The following TMEM178B variants were observed in gnomAD, a reference collection of about 807,000 sequenced individuals.
The protein encoded by TMEM178B is transmembrane protein 178B.
TMEM178B carries 5 observed loss-of-function variants against 31.0 expected under a neutral mutation model. The observed-to-expected ratio is 0.16, with a 90% CI of 0.08 to 0.34. The LOEUF is 0.34. Among genes scored for constraint, TMEM178B ranks in the 10% least tolerant of loss-of-function variants. The pLI, the probability that TMEM178B is intolerant of heterozygous loss-of-function variation, is 1.00. For missense variants in TMEM178B, 275 were observed against 400.3 expected (o/e 0.69, Z 2.67); for synonymous variants, 164 against 164.0 (o/e 1.00, Z 0.00).
chr7:141,256,942 G>T (rs1314495246), intron 2 of TMEM178B, among the ~76,000 whole-genome samples: 1 of 152,174 alleles, frequency 6.6e-6, no homozygotes, highest in Non-Finnish European at 1.5e-5. Context: ...TACAATATTT[G>T]TATCTGGAGT....
chr7:141,181,997 T>C (rs1202228893), intron 1 of TMEM178B, among the ~76,000 whole-genome samples: 1 of 152,232 alleles, frequency 6.6e-6, no homozygotes, highest in African/African-American at 2.4e-5. Context: ...GGGGTCATTA[T>C]CATTCAGGCT....
At chr7:141,085,319 A>T (rs1339745040) in intron 1 of TMEM178B, among the ~76,000 whole-genome samples, 1 of 151,982 alleles carries the variant, frequency 6.6e-6, no homozygotes, top group Non-Finnish European at 1.5e-5. Flanking sequence ...ATTTGTATGC[A>T]CAGAGATGGC....
intron 2 of TMEM178B, among the ~76,000 whole-genome samples, chr7:141,336,749 A>G (rs1372619378): frequency 1.3e-5 from 2 of 151,358 alleles, no homozygotes; most frequent in South Asian, 2.1e-4. Flanking sequence ...GCATCCCACC[A>G]TTACCACCAC....
chr7:141,307,288 T>C (rs1798830557), intron 2 of TMEM178B, among the ~76,000 whole-genome samples: 1 of 152,174 alleles, frequency 6.6e-6, no homozygotes, highest in African/African-American at 2.4e-5. Flanking sequence ...AAATGGAAAA[T>C]GGATTAATTT....
At chr7:141,218,063 TTCCCTAC>T (rs1797190057) in intron 2 of TMEM178B, among the ~76,000 whole-genome samples, 1 of 151,374 alleles carries the variant, frequency 6.6e-6, no homozygotes, top group Non-Finnish European at 1.5e-5. Flanking sequence ...CCTCCGAGAC[TTCCCTAC>T]TCCCTACCCC....
At chr7:141,243,239 CTG>C (rs1487187801) in intron 2 of TMEM178B, among the ~76,000 whole-genome samples, 2 of 152,024 alleles carry the variant, frequency 1.3e-5, no homozygotes, top group Non-Finnish European at 2.9e-5. Flanking sequence ...GCCTGGGACT[CTG>C]TGTGTGGTTT....
intron 2 of TMEM178B, among the ~76,000 whole-genome samples, chr7:141,402,746 T>C (rs2116622100): frequency 6.6e-6 from 1 of 152,372 alleles, no homozygotes; most frequent in African/African-American, 2.4e-5. Context: ...CAACCTGTGA[T>C]GACAGGCACT....
At chr7:141,197,789 A>T (rs1182882455) in intron 1 of TMEM178B, among the ~76,000 whole-genome samples, 1 of 151,852 alleles carries the variant, frequency 6.6e-6, no homozygotes, top group Non-Finnish European at 1.5e-5. Context: ...GCACCACCAC[A>T]CCTGGCTAAT....
At chr7:141,272,957 A>G (rs1423967879) in intron 2 of TMEM178B, among the ~76,000 whole-genome samples, 2 of 152,244 alleles carry the variant, frequency 1.3e-5, no homozygotes, top group African/African-American at 4.8e-5. Flanking sequence ...TAGCCGAGAT[A>G]TGGAATCAAC....
At chr7:141,459,725 C>T (rs959832297) in intron 3 of TMEM178B, among the ~76,000 whole-genome samples, 5 of 152,156 alleles carry the variant, frequency 3.3e-5, no homozygotes, top group African/African-American at 9.7e-5. Context: ...AGTAAATTCC[C>T]ATTGTAATGA....
intron 1 of TMEM178B, among the ~76,000 whole-genome samples, chr7:141,178,626 G>T (rs1484383125): frequency 1.3e-5 from 2 of 152,134 alleles, no homozygotes; most frequent in African/African-American, 4.8e-5. Flanking sequence ...TTGGTGATAC[G>T]CTGTCATCAT....
intron 2 of TMEM178B, among the ~76,000 whole-genome samples, chr7:141,389,231 G>A (rs923316349): frequency 3.3e-5 from 5 of 152,192 alleles, no homozygotes; most frequent in Non-Finnish European, 5.9e-5. Flanking sequence ...TAAAAAACAC[G>A]TAGCTATTCT....
intron 1 of TMEM178B, among the ~76,000 whole-genome samples, chr7:141,077,727 G>A (rs1201101536): frequency 6.6e-6 from 1 of 152,210 alleles, no homozygotes; most frequent in Non-Finnish European, 1.5e-5. Flanking sequence ...TCACAGAAAT[G>A]TATCCATCCA....
chr7:141,494,172 T>C, the TMEM178B span, among the ~76,000 whole-genome samples: 5 of 152,226 alleles, frequency 3.3e-5, no homozygotes, highest in Non-Finnish European at 7.3e-5. Context: ...TGGAAAGTAC[T>C]TATCTACCAA....
intron 2 of TMEM178B, among the ~76,000 whole-genome samples, chr7:141,252,418 C>A (rs926552219): frequency 6.6e-6 from 1 of 152,114 alleles, no homozygotes; most frequent in African/African-American, 2.4e-5. Flanking sequence ...TCAAAAGAAA[C>A]GAGGGAGGCA....
At chr7:141,283,229 C>CT (rs1477070334) in intron 2 of TMEM178B, among the ~76,000 whole-genome samples, 2 of 152,246 alleles carry the variant, frequency 1.3e-5, no homozygotes, top group African/African-American at 4.8e-5. Context: ...CAAAATGCCT[C>CT]TAACGTGCTC....
At chr7:141,389,058 C>A (rs1282354260) in intron 2 of TMEM178B, among the ~76,000 whole-genome samples, 3 of 152,136 alleles carry the variant, frequency 2.0e-5, no homozygotes, top group Non-Finnish European at 4.4e-5. Flanking sequence ...ACTTATTGAT[C>A]TACAGGATCT....
rs1433568808 is a variant in TMEM178B, at chr7:141,477,418, G to C, written c.*6632G>C. ...TGAAGGGAGGGATACCATTGACACAGGAGGTTTTTTTCTGGTTGTTTCTCT... is the reference window on the plus strand; with the variant it reads ...TGAAGGGAGGGATACCATTGACACACGAGGTTTTTTTCTGGTTGTTTCTCT... On this transcript the variant is annotated 3_prime_UTR_variant, in exon 4 of 4. Coordinates refer to ENST00000565468, the MANE Select transcript of TMEM178B (RefSeq NM_001195278.2). The C allele has an allele frequency of 6.6e-6, 1 of 152,104 alleles. No homozygotes were observed. 9.4% of individuals were successfully genotyped at this position (152,104 alleles called of 1,614,324 possible). A position where few individuals can be genotyped will look rare whatever the true frequency, so the allele number is the denominator to read the frequency against.
chr7:141,415,962 G>C (rs1383621665), intron 2 of TMEM178B: 2 of 152,610 alleles, frequency 1.3e-5, no homozygotes, highest in Non-Finnish European at 2.9e-5. Context: ...TGAAGCTAAA[G>C]CACAATGTAA....
Sources: gnomAD v4.1 joint callset for allele counts (sites outside exome capture counted in the v4.1 genomes callset) on GRCh38, gnomAD v4.1.1 for gene constraint, MANE v1.5 for transcripts, NCBI Gene and HGNC (gene_info 2026-07-23, HGNC 2026-07-21) for gene names.